Variants in DNAAF1 observed in about 807,000 individuals in gnomAD.
DNAAF1 encodes the protein dynein axonemal assembly factor 1, also known as dynein assembly factor 1, axonemal.
A neutral mutation model predicts 71.1 loss-of-function variants in DNAAF1; 65 were observed. The observed-to-expected ratio is 0.91, with a 90% CI of 0.75 to 1.12. The LOEUF (loss-of-function observed/expected upper bound fraction) is 1.12. DNAAF1 is among the 50% of genes most tolerant of loss of function. The pLI is 0.00. For synonymous variants in DNAAF1, 414 were observed against 354.6 expected (o/e 1.17, Z -1.88); for missense variants, 1,178 against 899.8 (o/e 1.31, Z -3.96).
chr16:84,157,159 G>C (rs532526833), intron 5 of DNAAF1, among the ~76,000 whole-genome samples: 2 of 151,634 alleles, frequency 1.3e-5, no homozygotes, highest in East Asian at 1.9e-4. Context: ...CATTATGAAC[G>C]CATACATTTA....
chr16:84,150,197 GTT>G (rs1478586977), intron 2 of DNAAF1, 52 bp from the exon 3 acceptor site: 6 of 1,364,944 alleles, frequency 4.4e-6, no homozygotes, highest in African/African-American at 1.4e-5. Context: ...GTGAGAATAT[GTT>G]TTACAGCTGA....
At chr16:84,148,433 T>C (rs184067110) in intron 1 of DNAAF1, among the ~76,000 whole-genome samples, 170 of 151,870 alleles carry the variant, frequency 1.1e-3, no homozygotes, top group Non-Finnish European at 1.0e-3. Context: ...AGTTTTTGGC[T>C]TTTATAAAAA....
At chr16:84,161,964 C>A (rs1426336220) in intron 6 of DNAAF1, among the ~76,000 whole-genome samples, 1 of 152,152 alleles carries the variant, frequency 6.6e-6, no homozygotes, top group East Asian at 1.9e-4. Context: ...TCCCCAGCCT[C>A]TAGAATGGTG....
chr16:84,145,661 AAATAATAAC>A, intron 1 of DNAAF1, 97 bp downstream of exon 1: 3 of 1,385,288 alleles, frequency 2.2e-6, no homozygotes, highest in East Asian at 2.5e-5. Flanking sequence ...CTTCACAGCC[AAATAATAAC>A]AATAATAATA....
At chr16:84,171,858 G>C (rs539365903) in intron 8 of DNAAF1, among the ~76,000 whole-genome samples, 164 of 151,980 alleles carry the variant, frequency 1.1e-3, no homozygotes, top group African/African-American at 3.8e-3. Context: ...CTGGCCTTTG[G>C]GCCCTGAGGA....
At chr16:84,149,751 G>T (rs937276669) in intron 2 of DNAAF1, among the ~76,000 whole-genome samples, 2 of 150,562 alleles carry the variant, frequency 1.3e-5, no homozygotes, top group Non-Finnish European at 1.5e-5. Context: ...TAAGCCAAGC[G>T]TGGTGGCCCT....
chr16:84,155,078 T>C (rs1395657426), intron 4 of DNAAF1, among the ~76,000 whole-genome samples: 2 of 152,030 alleles, frequency 1.3e-5, no homozygotes, highest in African/African-American at 4.8e-5. Context: ...CTGGCTAATT[T>C]TTTGTATTTT....
At chr16:84,147,221 G>A (rs944024005) in intron 1 of DNAAF1, among the ~76,000 whole-genome samples, 1 of 152,050 alleles carries the variant, frequency 6.6e-6, no homozygotes, top group African/African-American at 2.4e-5. Context: ...TTTATATATT[G>A]AGCGCTTATT....
At chr16:84,174,972 C>T (rs2088575508) in intron 10 of DNAAF1, 1 of 443,064 alleles carries the variant, frequency 2.3e-6, no homozygotes. Flanking sequence ...TCTCCTGTCT[C>T]AGCCTCCCAA....
intron 6 of DNAAF1, among the ~76,000 whole-genome samples, chr16:84,162,892 C>A (rs2087783041): frequency 6.6e-6 from 1 of 152,058 alleles, no homozygotes; most frequent in East Asian, 1.9e-4. Flanking sequence ...AAGGCCCTGG[C>A]AGCCACTCCT....
chr16:84,174,647 T>A lies in DNAAF1; in HGVS notation c.1645-22T>A, dbSNP rs201984126. The A allele has an allele frequency of 6.2e-6, 10 of 1,614,130 alleles. No individual in the cohort carries two copies. The East Asian group carries it at 2.2e-4, about 36-fold the overall frequency. ...CAGTGCGTGTACCTCCCTGGTGATG[T>A]GCGGCTCACTTGCTCTTTCAGGACC... On this transcript the variant is annotated intron_variant, in intron 9 of 11. Transcript: ENST00000378553.
chr16:84,159,616 A>G, intron 5 of DNAAF1, 59 bp from the exon 6 acceptor site: 2 of 1,556,842 alleles, frequency 1.3e-6, no homozygotes, highest in Non-Finnish European at 1.7e-6. Flanking sequence ...CACAGCACAT[A>G]TAAAATAATT....
chr16:84,175,981 A>G lies in DNAAF1; in HGVS notation c.1747A>G (p.Ser583Gly), dbSNP rs750500335. The part of the protein sequence containing the change: ...IEVISSLSDD[S>G]DPELDYTSLP... Reference sequence around the variant, plus strand: ...GGTCATCTCGAGCTTGAGTGATGACAGTGACCCTGAACTGGACTACACGTC... The same window carrying G: ...GGTCATCTCGAGCTTGAGTGATGACGGTGACCCTGAACTGGACTACACGTC... The change falls in exon 11 of 12, where the codon AGT becomes GGT. Residue 583 changes from serine (S) to glycine (G), a missense_variant. Transcript: ENST00000378553. The G allele has an allele frequency of 3.1e-6, 5 of 1,614,034 alleles. No individual in the cohort carries two copies. Among genetic ancestry groups the G allele is most frequent in the South Asian group, 1.1e-5 (1 of 91,092 alleles).
At position 84,145,478 on chromosome 16, in the gene DNAAF1, C is replaced by A; in HGVS notation, c.38C>A (p.Ala13Glu). The A allele has an allele frequency of 6.3e-7, 1 of 1,576,802 alleles. No homozygotes were observed. Among genetic ancestry groups the A allele is most frequent in the Non-Finnish European group, 8.6e-7 (1 of 1,161,552 alleles). ...PEPSEPATGG[A>E]AELDCAQEPG... ...CCCTCGGAGCCTGCGACAGGTGGTGCAGCAGAGCTGGATTGCGCGCAGGAG... is the reference window on the plus strand; with the variant it reads ...CCCTCGGAGCCTGCGACAGGTGGTGAAGCAGAGCTGGATTGCGCGCAGGAG... The change falls in exon 1 of 12, where the codon GCA becomes GAA. Residue 13 changes from alanine to glutamate, a missense_variant. By Grantham distance (107) the Ala-to-Glu change is moderately radical (BLOSUM62 -1). Transcript: ENST00000378553.
intron 9 of DNAAF1, chr16:84,172,648 C>T (rs2088425419): frequency 3.1e-6 from 4 of 1,297,434 alleles, no homozygotes; most frequent in Non-Finnish European, 3.9e-6. Context: ...ACCCTTGAAC[C>T]ATGTCTACCA....
chr16:84,170,776 G>A (rs2088289113), intron 8 of DNAAF1, among the ~76,000 whole-genome samples: 1 of 152,142 alleles, frequency 6.6e-6, no homozygotes, highest in South Asian at 2.1e-4. Context: ...AGGCTGCAGT[G>A]AGCCAAGATT....
In DNAAF1 at chr16:84,160,950, A is replaced by T. The variant is rs527485189; in HGVS notation, c.863+1154A>T. On this transcript the variant is annotated intron_variant, in intron 6 of 11. Transcript: ENST00000378553. ...AGACTCCGTCTCAAAAAAAAAAAAA[A>T]AAAGAAAACCAGAAGGCCTGCTCCT... Among the ~76,000 whole-genome samples, 6 of 152,012 alleles carry T rather than the reference A, an allele frequency of 3.9e-5. No homozygotes were observed. The East Asian group carries it at 1.2e-3, about 29-fold the overall frequency.
chr16:84,148,983 G>C (rs2087056440), intron 1 of DNAAF1, 24 bp from the exon 2 acceptor site: 9 of 1,613,544 alleles, frequency 5.6e-6, no homozygotes, highest in African/African-American at 1.3e-5. Context: ...GATCTCTACA[G>C]ACCTGATCTC....
Position 84,145,494 on chromosome 16 carries a change from C to G in DNAAF1, c.54C>G (p.Cys18Trp), listed in dbSNP as rs1282963935. The part of the protein sequence containing the change: ...PATGGAAELD[C>W]AQEPGVEESA... ...CAGGTGGTGCAGCAGAGCTGGATTG[C>G]GCGCAGGAGCCCGGCGTGGAGGAGT... Residue 18 changes from cysteine (C) to tryptophan (W), a missense_variant, in exon 1 of 12, where the codon TGC (cysteine) becomes TGG (tryptophan). Coordinates refer to ENST00000378553, the MANE Select transcript of DNAAF1 (RefSeq NM_178452.6). The G allele has an allele frequency of 1.9e-6, 3 of 1,569,406 alleles. No individual in the cohort carries two copies. Among genetic ancestry groups the G allele is most frequent in the Non-Finnish European group, 2.6e-6 (3 of 1,157,274 alleles).
Sources: allele counts gnomAD v4.1 joint callset (sites outside exome capture counted in the v4.1 genomes callset), GRCh38; gene constraint gnomAD v4.1.1; transcripts MANE v1.5; gene names NCBI Gene and HGNC (gene_info 2026-07-23, HGNC 2026-07-21).